The following DPYD variants were observed in gnomAD, a reference collection of about 807,000 sequenced individuals.
DPYD encodes the protein dihydropyrimidine dehydrogenase [NADP(+)].
A neutral mutation model predicts 116.2 loss-of-function variants in DPYD; 109 were observed. The ratio of observed to expected loss-of-function variants is 0.94; its 90% CI spans 0.80 to 1.10. The LOEUF is 1.10. Among genes scored for constraint, DPYD ranks in the 50% least tolerant of loss-of-function variants. The pLI, the probability that DPYD is intolerant of heterozygous loss-of-function variation, is 0.00. For missense variants in DPYD, 1,302 were observed against 1,254.5 expected (o/e 1.04, Z -0.57); for synonymous variants, 440 against 432.0 (o/e 1.02, Z -0.23).
At chr1:97,848,448 G>C (rs1298867757) in intron 2 of DPYD, among the ~76,000 whole-genome samples, 1 of 152,160 alleles carries the variant, frequency 6.6e-6, no homozygotes, top group Non-Finnish European at 1.5e-5. Flanking sequence ...ATGTCATATT[G>C]AGTGAAGTGA....
intron 16 of DPYD, among the ~76,000 whole-genome samples, chr1:97,328,545 A>G (rs1485425860): frequency 6.6e-6 from 1 of 152,156 alleles, no homozygotes; most frequent in Non-Finnish European, 1.5e-5. Context: ...CTTTTCCTTC[A>G]GATTTTACTC....
intron 19 of DPYD, among the ~76,000 whole-genome samples, chr1:97,221,851 G>C (rs922191670): frequency 1.3e-5 from 2 of 151,894 alleles, no homozygotes; most frequent in Non-Finnish European, 1.5e-5. Context: ...CATTCATCTT[G>C]GCTCTCTTTA....
chr1:97,692,470 T>C (rs1317313091), intron 6 of DPYD, among the ~76,000 whole-genome samples: 1 of 152,160 alleles, frequency 6.6e-6, no homozygotes, highest in Non-Finnish European at 1.5e-5. Flanking sequence ...AGTAGTATAA[T>C]AGAGTATTAA....
At chr1:97,102,238 C>A (rs893419127) in intron 20 of DPYD, among the ~76,000 whole-genome samples, 1 of 151,398 alleles carries the variant, frequency 6.6e-6, no homozygotes, top group African/African-American at 2.4e-5. Context: ...TAGCACTAGT[C>A]TGTAGTACTG....
At chr1:97,297,769 T>C (rs1666619318) in intron 18 of DPYD, among the ~76,000 whole-genome samples, 1 of 152,198 alleles carries the variant, frequency 6.6e-6, no homozygotes, top group South Asian at 2.1e-4. Flanking sequence ...AGAGCTGTTA[T>C]TTCTCAATAT....
chr1:97,530,570 T>C (rs1190054054), intron 12 of DPYD, among the ~76,000 whole-genome samples: 1 of 152,230 alleles, frequency 6.6e-6, no homozygotes, highest in African/African-American at 2.4e-5. Flanking sequence ...CTATTGTGAA[T>C]AATGTTGCAG....
chr1:97,616,803 T>C (rs766715017), intron 8 of DPYD, among the ~76,000 whole-genome samples: 29 of 152,196 alleles, frequency 1.9e-4, no homozygotes, highest in Non-Finnish European at 2.4e-4. Flanking sequence ...AAAAGAAAAC[T>C]TGAAGAATGA....
At chr1:97,706,007 G>C (rs1378985384) in intron 5 of DPYD, among the ~76,000 whole-genome samples, 1 of 151,180 alleles carries the variant, frequency 6.6e-6, no homozygotes, top group Admixed American at 6.6e-5. Context: ...GTTTTTTAAC[G>C]ATTACATTTT....
chr1:97,279,597 G>A (rs991730160), intron 18 of DPYD, among the ~76,000 whole-genome samples: 4 of 152,112 alleles, frequency 2.6e-5, no homozygotes, highest in East Asian at 1.9e-4. Flanking sequence ...CGCAACCTCC[G>A]CCTCCGGAGT....
Position 97,765,982 on chromosome 1 carries a change from G to A in DPYD, c.234-25503C>T, listed in dbSNP as rs145886633. Among the ~76,000 whole-genome samples the A allele has an allele frequency of 2.8e-3, 426 of 152,246 alleles. 1 individual carries two copies. The highest frequency in any genetic ancestry group is 1.0e-2 in the African/African-American group (414 of 41,552). ...GTTGTGGCCAGGTGCGGTGGCTCAC[G>A]CCTATAATCGCAGCACTTCAGGAGG... On this transcript the variant is annotated intron_variant, in intron 3 of 22. Coordinates refer to ENST00000370192, the MANE Select transcript of DPYD (RefSeq NM_000110.4).
chr1:97,493,988 T>C (rs530562673), intron 13 of DPYD, among the ~76,000 whole-genome samples: 4 of 152,108 alleles, frequency 2.6e-5, no homozygotes, highest in African/African-American at 9.7e-5. Context: ...AAGAGAGGAA[T>C]TCGAAATTAT....
At chr1:97,847,250 A>C (rs996666581) in intron 2 of DPYD, among the ~76,000 whole-genome samples, 1 of 152,208 alleles carries the variant, frequency 6.6e-6, no homozygotes. Context: ...CTCTACAAAA[A>C]CACGTCAAAT....
intron 14 of DPYD, among the ~76,000 whole-genome samples, chr1:97,386,854 T>G (rs1271497932): frequency 6.6e-6 from 1 of 152,016 alleles, no homozygotes; most frequent in Non-Finnish European, 1.5e-5. Context: ...TAAAAGACAT[T>G]AACAGTAAAA....
At chr1:97,562,228 A>T (rs1652200617) in intron 11 of DPYD, among the ~76,000 whole-genome samples, 1 of 152,324 alleles carries the variant, frequency 6.6e-6, no homozygotes, top group East Asian at 1.9e-4. Flanking sequence ...AGGGAAGAAT[A>T]GTTTTAGATT....
intron 12 of DPYD, among the ~76,000 whole-genome samples, chr1:97,532,883 C>A (rs1300836279): frequency 6.8e-6 from 1 of 146,666 alleles, no homozygotes; most frequent in African/African-American, 2.5e-5. Context: ...TTATTATTTC[C>A]ATCCTTCTGC....
In DPYD at chr1:97,224,016, A is replaced by G. The variant is rs72726640; in HGVS notation, c.2442+10836T>C. Among the ~76,000 whole-genome samples, 1,164 of 152,164 alleles carry G rather than the reference A, an allele frequency of 7.6e-3. 8 individuals are homozygous for G. Among genetic ancestry groups the G allele is most frequent in the Middle Eastern group, 0.037 (11 of 294 alleles). On this transcript the variant is annotated intron_variant, in intron 19 of 22. Coordinates refer to ENST00000370192, the MANE Select transcript of DPYD (RefSeq NM_000110.4). ...TAATTTAACAGGAAGGTTTTTATAA[A>G]TATCAGTACCTGAAATTTACTGATA...
chr1:97,799,704 T>C (rs1207989183), intron 3 of DPYD, among the ~76,000 whole-genome samples: 3 of 151,000 alleles, frequency 2.0e-5, no homozygotes, highest in Non-Finnish European at 4.4e-5. Flanking sequence ...AAGATCTCAA[T>C]GTCTTATCAA....
At chr1:97,531,196 A>G (rs1360002962) in intron 12 of DPYD, among the ~76,000 whole-genome samples, 1 of 152,186 alleles carries the variant, frequency 6.6e-6, no homozygotes, top group Admixed American at 6.5e-5. Flanking sequence ...TGCCAAAACC[A>G]ATGTCATGAA....
intron 13 of DPYD, among the ~76,000 whole-genome samples, chr1:97,499,183 T>A (rs1292392303): frequency 6.6e-5 from 10 of 151,736 alleles, no homozygotes; most frequent in African/African-American, 9.7e-5. Context: ...ACAGAATATA[T>A]CTTTAAATAA....
Sources: gnomAD v4.1 joint callset for allele counts (sites outside exome capture counted in the v4.1 genomes callset) on GRCh38, gnomAD v4.1.1 for gene constraint, MANE v1.5 for transcripts, NCBI Gene and HGNC (gene_info 2026-07-23, HGNC 2026-07-21) for gene names.